The following SALL4 variants were observed in gnomAD, a reference collection of about 807,000 sequenced individuals.
SALL4 encodes the protein spalt like transcription factor 4.
In SALL4, 4 loss-of-function variants were observed where a neutral mutation model predicts 60.8. That is an observed-to-expected ratio of 0.07 (90% CI 0.03 to 0.15). The LOEUF is 0.15. Among genes scored for constraint, SALL4 ranks in the 10% least tolerant of loss-of-function variants. The pLI is 1.00. For synonymous variants in SALL4, 580 were observed against 574.9 expected (o/e 1.01, Z -0.13); for missense variants, 1,178 against 1,394.7 (o/e 0.84, Z 2.48).
Position 51,790,650 on chromosome 20 carries a change from T to C in SALL4, c.1833A>G (p.Thr611=), listed in dbSNP as rs2078031061. Residue 611 remains threonine (T), a synonymous_variant, in exon 2 of 4, where the codon ACA becomes ACG. Transcript: ENST00000217086. This position sits in a 1 kb window ranked among gnomAD's most constrained non-coding sequence, Gnocchi z 5.5. ...TGTTGGTTCGGTGAACCCCAAGGTGTGTCTTCAGGTTACCTTTGGTAGAAA... is the reference window on the plus strand; with the variant it reads ...TGTTGGTTCGGTGAACCCCAAGGTGCGTCTTCAGGTTACCTTTGGTAGAAA... ...RAFSTKGNLK[T]HLGVHRTNTS... 6.2e-7 allele frequency: 1 copy of C among 1,614,136 alleles called. No individual in the cohort carries two copies. The highest frequency in any genetic ancestry group is 8.5e-7 in the Non-Finnish European group (1 of 1,180,030).
chr20:51,783,924 G>T lies in SALL4; in HGVS notation c.*341C>A. The T allele has an allele frequency of 3.0e-6, 1 of 328,114 alleles. No individual in the cohort carries two copies. The highest frequency in any genetic ancestry group is 2.7e-5 in the South Asian group (1 of 37,046). The allele number at this position is 328,114 out of a possible 1,614,324, so 20.3% of individuals were successfully genotyped here. ...AATCCCAGCTACTCTGGAGGCTAAG[G>T]CAGGAGAATCACTTGAACCCAGAAT... is the stretch of plus-strand genomic sequence containing the variant. On this transcript the variant is annotated 3_prime_UTR_variant, in exon 4 of 4. Coordinates refer to ENST00000217086, the MANE Select transcript of SALL4 (RefSeq NM_020436.5).
rs750696997 is a variant in SALL4 at position 51,802,319 on chromosome 20, A to T, written c.90T>A (p.Phe30Leu). The stretch of plus-strand genomic sequence containing the variant: ...CGGGCGCCGCTGGGGCCGCATCTGC[A>T]AACTCCGGGGTCTGCTGCTGCGGCT... ...EQQPQQQTPE[F>L]ADAAPAAPAA... is the part of the protein sequence containing the mutation. The change falls in exon 1 of 4, where the codon TTT becomes TTA. Residue 30 changes from phenylalanine to leucine, a missense_variant. Transcript: ENST00000217086. The T allele has an allele frequency of 1.2e-6, 2 of 1,610,334 alleles. No individual in the cohort carries two copies. Among genetic ancestry groups the T allele is most frequent in the Admixed American group, 1.7e-5 (1 of 59,980 alleles).
chr20:51,790,305 C>T lies in SALL4; in HGVS notation c.2178G>A (p.Met726Ile). ...HSASPTLGFA[M>I]MASLDAPGKV... ...TCCCTGGGGCATCTAAGGAAGCCAT[C>T]ATGGCAAACCCTAGCGTGGGTGATG... Residue 726 changes from methionine (M) to isoleucine (I), a missense_variant, in exon 2 of 4, where the codon ATG becomes ATA. By Grantham distance (10) the Met-to-Ile change is conservative. Coordinates refer to ENST00000217086, the MANE Select transcript of SALL4 (RefSeq NM_020436.5). The surrounding 1 kb of genome is among the most constrained non-coding windows in gnomAD (Gnocchi z 5.5). 6.2e-7 allele frequency: 1 copy of T among 1,614,188 alleles called. No individual in the cohort carries two copies. Among genetic ancestry groups the T allele is most frequent in the South Asian group, 1.1e-5 (1 of 91,084 alleles).
chr20:51,789,886 G>T, intron 2 of SALL4, 136 bp downstream of exon 2: 1 of 1,034,208 alleles, frequency 9.7e-7, no homozygotes, highest in Non-Finnish European at 1.5e-6. Context: ...CCTCTACCCA[G>T]AAGTAAAGAA....
intron 1 of SALL4, among the ~76,000 whole-genome samples, chr20:51,798,915 A>T (rs1601177466): frequency 6.6e-6 from 1 of 152,176 alleles, no homozygotes; most frequent in East Asian, 1.9e-4. Flanking sequence ...GAGGCAGGAC[A>T]AGACACCATG....
In SALL4 at chr20:51,782,773, A is replaced by C. The variant is rs2077963558; in HGVS notation, c.*1492T>G. The C allele has an allele frequency of 2.0e-5, 3 of 151,976 alleles. No homozygotes were observed. The highest frequency in any genetic ancestry group is 7.3e-5 in the African/African-American group (3 of 41,378). 9.4% of individuals were successfully genotyped at this position (151,976 alleles called of 1,614,324 possible). A position where few individuals can be genotyped will look rare whatever the true frequency, so the allele number is the denominator to read the frequency against. ...CAATATCACATTTACAAAGGAAACTACAAAAAAAAAAGGCATCACAAAATC... is the reference window on the plus strand; with the variant it reads ...CAATATCACATTTACAAAGGAAACTCCAAAAAAAAAAGGCATCACAAAATC... On this transcript the variant is annotated 3_prime_UTR_variant, in exon 4 of 4. Transcript: ENST00000217086.
At position 51,784,535 on chromosome 20, in the gene SALL4, C is replaced by A. The variant is rs1355283088; in HGVS notation, c.2892G>T (p.Val964=). The change falls in exon 4 of 4, where the codon GTG becomes GTT. Residue 964 remains valine, a synonymous_variant. Transcript: ENST00000217086. ...PKEILAPSVN[V]DPVVWNQYTS... is the part of the protein sequence containing the mutation. ...TGTACTGGTTCCACACAACAGGGTC[C>A]ACATTCACTGAAGGGGCCAGGATTT... The A allele has an allele frequency of 6.2e-7, 1 of 1,614,160 alleles. No individual in the cohort carries two copies. Among genetic ancestry groups the A allele is most frequent in the South Asian group, 1.1e-5 (1 of 91,070 alleles).
chr20:51,802,309 C>T lies in SALL4; in HGVS notation c.100G>A (p.Ala34Thr), dbSNP rs1348519928. 1 of 1,609,422 alleles carries T rather than the reference C, an allele frequency of 6.2e-7. No individual in the cohort carries two copies. Among genetic ancestry groups the T allele is most frequent in the East Asian group, 2.2e-5 (1 of 44,790 alleles). ...QQQTPEFADAAPAAPAAGELG... is the reference protein window; with the variant it reads ...QQQTPEFADATPAAPAAGELG... ...TCCCCCGCCGCGGGCGCCGCTGGGGCCGCATCTGCAAACTCCGGGGTCTGC... is the reference window on the plus strand; with the variant it reads ...TCCCCCGCCGCGGGCGCCGCTGGGGTCGCATCTGCAAACTCCGGGGTCTGC... The change falls in exon 1 of 4, where the codon GCC becomes ACC. Residue 34 changes from alanine to threonine, a missense_variant. Transcript: ENST00000217086.
rs900106993 is a variant in SALL4 at position 51,801,804 on chromosome 20, G to A, written c.130+475C>T. Among the ~76,000 whole-genome samples, 7 of 151,998 alleles carry A rather than the reference G, an allele frequency of 4.6e-5. No homozygotes were observed. Among genetic ancestry groups the A allele is most frequent in the South Asian group, 4.1e-4 (2 of 4,822 alleles). The stretch of plus-strand genomic sequence containing the variant: ...GTCCTCCTCCGGGGGGTCTTCCAGG[G>A]GTGCGCCCCTCCTCCAGCCTCCAAG... On this transcript the variant is annotated intron_variant, in intron 1 of 3. Coordinates refer to ENST00000217086, the MANE Select transcript of SALL4 (RefSeq NM_020436.5). This position sits in a 1 kb window ranked among gnomAD's most constrained non-coding sequence, Gnocchi z 5.2.
In SALL4 at chr20:51,789,081, A is replaced by C; in HGVS notation, c.2522T>G (p.Val841Gly). ...CGAGGGTCCCACAAATGTGCCAGGAACTTCAACCTTGACATAGGTCGGCGG... is the reference window on the plus strand; with the variant it reads ...CGAGGGTCCCACAAATGTGCCAGGACCTTCAACCTTGACATAGGTCGGCGG... ...RAPPTYVKVE[V>G]PGTFVGPSTL... Residue 841 changes from valine to glycine, a missense_variant, in exon 3 of 4, where the codon GTT becomes GGT. Transcript: ENST00000217086. 2.5e-6 allele frequency: 4 copies of C among 1,614,236 alleles called. No individual in the cohort carries two copies. The highest frequency in any genetic ancestry group is 2.5e-6 in the Non-Finnish European group (3 of 1,180,044).
rs908629486 is a variant in SALL4, at chr20:51,783,968, C to T, written c.*297G>A. 54 of 379,416 alleles carry T rather than the reference C, an allele frequency of 1.4e-4. No homozygotes were observed. The highest frequency in any genetic ancestry group is 1.9e-4 in the East Asian group (3 of 15,586). The allele number at this position is 379,416 out of a possible 1,614,324, so 23.5% of individuals were successfully genotyped here. On this transcript the variant is annotated 3_prime_UTR_variant, in exon 4 of 4. Transcript: ENST00000217086. ...CCAGAATGGGGAGGTTGCAGTGAGC[C>T]GAGATCATGCCACTGCACTCCAGCC...
chr20:51,793,145 G>A (rs922323618), intron 1 of SALL4: 2 of 177,778 alleles, frequency 1.1e-5, no homozygotes, highest in Non-Finnish European at 2.2e-5. Context: ...TGAAAGAAAC[G>A]GGTTGCGCAA....
At chr20:51,795,698 G>A (rs1352711701) in intron 1 of SALL4, among the ~76,000 whole-genome samples, 1 of 152,160 alleles carries the variant, frequency 6.6e-6, no homozygotes, top group Admixed American at 6.5e-5. Context: ...AGCTCTTTCA[G>A]GGAGTCATCT....
At chr20:51,787,280 C>G (rs935702451) in intron 3 of SALL4, among the ~76,000 whole-genome samples, 1 of 151,790 alleles carries the variant, frequency 6.6e-6, no homozygotes, top group East Asian at 1.9e-4. Flanking sequence ...AAAAATTAGC[C>G]GGGCATGATG....
chr20:51,797,960 C>T (rs1162386050), intron 1 of SALL4, among the ~76,000 whole-genome samples: 2 of 151,884 alleles, frequency 1.3e-5, no homozygotes, highest in Non-Finnish European at 2.9e-5. Context: ...TTTTTTCATT[C>T]CTACATTTAA....
In SALL4 at chr20:51,791,837, C is replaced by T. The variant is rs45621331; in HGVS notation, c.646G>A (p.Glu216Lys). 31 of 1,614,110 alleles carry T rather than the reference C, an allele frequency of 1.9e-5. No homozygotes were observed. Among genetic ancestry groups the T allele is most frequent in the Non-Finnish European group, 2.6e-5 (31 of 1,180,030 alleles). ...PGANSIPWVL[E>K]QILCLQQQQL... Reference sequence around the variant, plus strand: ...TGCTGCTGCAGACACAAGATCTGCTCGAGGACCCACGGGATGCTGTTGGCA... The same window carrying T: ...TGCTGCTGCAGACACAAGATCTGCTTGAGGACCCACGGGATGCTGTTGGCA... Residue 216 changes from glutamate to lysine, a missense_variant, in exon 2 of 4, where the codon GAG (glutamate) becomes AAG (lysine). Glu to Lys is a moderately conservative substitution (Grantham distance 56, BLOSUM62 1). Transcript: ENST00000217086. The surrounding 1 kb of genome is among the most constrained non-coding windows in gnomAD (Gnocchi z 4.6).
rs2078110847 is a variant in SALL4 at position 51,801,697 on chromosome 20, G to A, written c.130+582C>T. On this transcript the variant is annotated intron_variant, in intron 1 of 3. Transcript: ENST00000217086. This position sits in a 1 kb window ranked among gnomAD's most constrained non-coding sequence, Gnocchi z 5.2. ...TCCAATCCCCTGCGCAGCGCGGGTG[G>A]CCCGCACCCCAGCTCCTGAGGGTGG... 6.6e-6 allele frequency: 1 copy of A among 152,484 alleles called. No homozygotes were observed. The highest frequency in any genetic ancestry group is 1.5e-5 in the Non-Finnish European group (1 of 68,214). 9.4% of individuals were successfully genotyped at this position (152,484 alleles called of 1,614,324 possible). A position where few individuals can be genotyped will look rare whatever the true frequency, so the allele number is the denominator to read the frequency against.
chr20:51,782,344 C>A lies in SALL4; in HGVS notation c.*1921G>T, dbSNP rs1314614661. On this transcript the variant is annotated 3_prime_UTR_variant, in exon 4 of 4. Coordinates refer to ENST00000217086, the MANE Select transcript of SALL4 (RefSeq NM_020436.5). Reference sequence around the variant, plus strand: ...TATACACCTGGGTGAGAAAAAAAAACATTCAAATTTTATTTTCCAACAGAC... The same window carrying A: ...TATACACCTGGGTGAGAAAAAAAAAAATTCAAATTTTATTTTCCAACAGAC... 3 of 150,316 alleles carry A rather than the reference C, an allele frequency of 2.0e-5. No individual in the cohort carries two copies. The highest frequency in any genetic ancestry group is 3.0e-5 in the Non-Finnish European group (2 of 67,146). The allele number at this position is 150,316 out of a possible 1,614,324, so 9.3% of individuals were successfully genotyped here.
rs1433543183 is a variant in SALL4, at chr20:51,788,443, C to T, written c.2742+418G>A. Among the ~76,000 whole-genome samples, 2 of 152,066 alleles carry T rather than the reference C, an allele frequency of 1.3e-5. No homozygotes were observed. Among genetic ancestry groups the T allele is most frequent in the Non-Finnish European group, 2.9e-5 (2 of 68,010 alleles). The stretch of plus-strand genomic sequence containing the variant: ...CAGTGGCTCATGCCTGTAATCCCAG[C>T]ACTTTGGGAGGCCGAGGCAGGCGGA... On this transcript the variant is annotated intron_variant, in intron 3 of 3. Coordinates refer to ENST00000217086, the MANE Select transcript of SALL4 (RefSeq NM_020436.5). The surrounding 1 kb of genome is among the most constrained non-coding windows in gnomAD (Gnocchi z 4.1).
Sources: allele counts gnomAD v4.1 joint callset (sites outside exome capture counted in the v4.1 genomes callset), GRCh38; gene constraint gnomAD v4.1.1; non-coding constraint Gnocchi (gnomAD v3.1); transcripts MANE v1.5; gene names NCBI Gene and HGNC (gene_info 2026-07-23, HGNC 2026-07-21).